INPP5A: variants seen among roughly 807,000 people sequenced by gnomAD.
INPP5A encodes the protein inositol polyphosphate-5-phosphatase A, also known as 43 kDa inositol polyphosphate 5-phophatase.
In INPP5A, 14 loss-of-function variants were observed where a neutral mutation model predicts 65.2. The observed-to-expected ratio is 0.21, with a 90% CI of 0.14 to 0.34. The LOEUF is 0.34. INPP5A is among the 10% of genes least tolerant of loss of function. INPP5A has a pLI of 1.00. For missense variants in INPP5A, 431 were observed against 545.6 expected, an observed-to-expected ratio of 0.79 and a Z score of 2.09; for synonymous variants, 207 against 208.3, an observed-to-expected ratio of 0.99 and a Z score of 0.05.
chr10:132,662,512 G>T (rs553556256), intron 4 of INPP5A, among the ~76,000 whole-genome samples: 20 of 152,218 alleles, frequency 1.3e-4, no homozygotes, highest in Non-Finnish European at 2.6e-4. Flanking sequence ...CATTCTGTAT[G>T]ATTTCATGTA....
chr10:132,554,934 TG>T (rs2071107138), intron 1 of INPP5A, among the ~76,000 whole-genome samples: 1 of 134,754 alleles, frequency 7.4e-6, no homozygotes, highest in African/African-American at 2.9e-5. Context: ...ATGGTTGGTG[TG>T]GGTGGCATGG....
intron 1 of INPP5A, among the ~76,000 whole-genome samples, chr10:132,574,594 G>A (rs1033378026): frequency 6.7e-6 from 1 of 149,058 alleles, no homozygotes. Flanking sequence ...TAGGGAGGGT[G>A]TTTTTCTCTT....
intron 11 of INPP5A, among the ~76,000 whole-genome samples, chr10:132,765,335 G>A (rs1280686120): frequency 6.6e-6 from 1 of 152,222 alleles, no homozygotes; most frequent in African/African-American, 2.4e-5. Flanking sequence ...GCACCTTGGG[G>A]CCATTTTCCC....
chr10:132,771,157 G>A (rs935272128), intron 12 of INPP5A, among the ~76,000 whole-genome samples: 3 of 152,130 alleles, frequency 2.0e-5, no homozygotes, highest in Non-Finnish European at 2.9e-5. Context: ...TTTAGCTGAC[G>A]ACTCAGATGC....
rs960059072 is a variant in INPP5A at position 132,678,034 on chromosome 10, C to T, written c.307-12358C>T. ...TGCATCTCTCCCGCCAGCAGCCAGC[C>T]GGGAGAGGGGCTCGGCAGGAGGCCA... On this transcript the variant is annotated intron_variant, in intron 4 of 15. Coordinates refer to ENST00000368594, the MANE Select transcript of INPP5A (RefSeq NM_005539.5). The surrounding 1 kb of genome is among the most constrained non-coding windows in gnomAD (Gnocchi z 4.1). Among the ~76,000 whole-genome samples the T allele has an allele frequency of 1.3e-5, 2 of 152,238 alleles. No homozygotes were observed. The highest frequency in any genetic ancestry group is 2.1e-4 in the South Asian group (1 of 4,830).
intron 4 of INPP5A, among the ~76,000 whole-genome samples, chr10:132,677,825 G>C (rs2072987212): frequency 6.6e-6 from 1 of 152,240 alleles, no homozygotes; most frequent in African/African-American, 2.4e-5. Context: ...ACATCCAAGA[G>C]CCGTGACAGG....
At chr10:132,749,261 T>G (rs1846427274) in intron 9 of INPP5A, among the ~76,000 whole-genome samples, 1 of 152,234 alleles carries the variant, frequency 6.6e-6, no homozygotes, top group Non-Finnish European at 1.5e-5. Context: ...AGCAGCTCTG[T>G]GGGCGGCAGC....
chr10:132,609,696 G>C (rs1590865460), intron 2 of INPP5A, among the ~76,000 whole-genome samples: 1 of 152,340 alleles, frequency 6.6e-6, no homozygotes, highest in African/African-American at 2.4e-5. Context: ...CCAGACTGGA[G>C]TGCAGTGTTG....
intron 2 of INPP5A, among the ~76,000 whole-genome samples, chr10:132,610,097 G>A (rs1182759368): frequency 6.6e-6 from 1 of 152,236 alleles, no homozygotes; most frequent in Non-Finnish European, 1.5e-5. Flanking sequence ...CAGCCATGGC[G>A]GACACCGAGG....
intron 2 of INPP5A, among the ~76,000 whole-genome samples, chr10:132,631,769 G>T (rs1241331268): frequency 2.0e-5 from 3 of 152,244 alleles, no homozygotes. Flanking sequence ...TTCTTGCCAT[G>T]CCTTTCCAAG....
At chr10:132,714,787 C>T (rs532979291) in intron 8 of INPP5A, among the ~76,000 whole-genome samples, 3 of 152,232 alleles carry the variant, frequency 2.0e-5, no homozygotes, top group African/African-American at 4.8e-5. Flanking sequence ...GCGAGTGCTG[C>T]GGGGTGCCTG....
At chr10:132,780,941 G>A in intron 14 of INPP5A, 24 bp downstream of exon 14, 1 of 1,503,736 alleles carries the variant, frequency 6.7e-7, no homozygotes, top group African/African-American at 1.4e-5. Context: ...AGGTCCAGGG[G>A]CCAGGCTGGG....
intron 9 of INPP5A, among the ~76,000 whole-genome samples, chr10:132,728,976 G>A (rs558011672): frequency 5.7e-4 from 87 of 151,862 alleles, no homozygotes; most frequent in African/African-American, 2.1e-3. Context: ...GGTCCTGGAC[G>A]CTGGGTCCCG....
In INPP5A at chr10:132,753,707, T is replaced by C. The variant is rs1846538538; in HGVS notation, c.903+3862T>C. 6.6e-6 allele frequency: 1 copy of C among 152,178 alleles called. No individual in the cohort carries two copies. Among genetic ancestry groups the C allele is most frequent in the African/African-American group, 2.4e-5 (1 of 41,452 alleles). The allele number at this position is 152,178 out of a possible 1,614,324, so 9.4% of individuals were successfully genotyped here. ...ACCGGCCTCTTGGAGGGAGGTGTTT[T>C]CTGTGTGTTTAGCAACCGCTGTAGC... is the stretch of plus-strand genomic sequence containing the variant. On this transcript the variant is annotated intron_variant, in intron 11 of 15. Coordinates refer to ENST00000368594, the MANE Select transcript of INPP5A (RefSeq NM_005539.5). The surrounding 1 kb of genome is among the most constrained non-coding windows in gnomAD (Gnocchi z 5.3).
At chr10:132,752,278 G>A (rs1846499809) in intron 11 of INPP5A, among the ~76,000 whole-genome samples, 1 of 152,044 alleles carries the variant, frequency 6.6e-6, no homozygotes, top group Non-Finnish European at 1.5e-5. Flanking sequence ...GGGTCCCTTG[G>A]AGGAGGATGC....
At chr10:132,771,660 G>A (rs1199005705) in intron 12 of INPP5A, among the ~76,000 whole-genome samples, 7 of 115,730 alleles carry the variant, frequency 6.0e-5, no homozygotes, top group Non-Finnish European at 1.3e-4. Context: ...GCCGCCCCGC[G>A]AAGAGTGGGA....
chr10:132,751,993 G>T (rs80264582), intron 11 of INPP5A, among the ~76,000 whole-genome samples: 1 of 140,456 alleles, frequency 7.1e-6, no homozygotes, highest in Non-Finnish European at 1.5e-5. Flanking sequence ...GGGTAGAGGC[G>T]GGTGCCCAGG....
rs1845360314 is a variant in INPP5A at position 132,697,302 on chromosome 10, T to G, written c.371-514T>G. 6.6e-6 allele frequency among the ~76,000 whole-genome samples: 1 copy of G among 152,222 alleles called. No individual in the cohort carries two copies. The highest frequency in any genetic ancestry group is 1.5e-5 in the Non-Finnish European group (1 of 68,030). ...GGCCTGTGTCCCTGGGCCTGGCCTA[T>G]CCACTGGGGGGTCCAGGAAAGGTGC... On this transcript the variant is annotated intron_variant, in intron 5 of 15. Transcript: ENST00000368594. This position sits in a 1 kb window ranked among gnomAD's most constrained non-coding sequence, Gnocchi z 5.6.
chr10:132,626,325 G>A (rs115874778), intron 2 of INPP5A, among the ~76,000 whole-genome samples: 2,309 of 152,314 alleles, frequency 0.015, 49 homozygotes, highest in African/African-American at 0.052. Flanking sequence ...CAGGCTTCCC[G>A]GGACACACGC....
Sources: allele counts gnomAD v4.1 joint callset (sites outside exome capture counted in the v4.1 genomes callset), GRCh38; gene constraint gnomAD v4.1.1; non-coding constraint Gnocchi (gnomAD v3.1); transcripts MANE v1.5; gene names NCBI Gene and HGNC (gene_info 2026-07-23, HGNC 2026-07-21).